Variants in HS6ST2 observed in about 807,000 individuals in gnomAD.
The protein encoded by HS6ST2 is heparan sulfate 6-O-sulfotransferase 2, also known as heparan-sulfate 6-O-sulfotransferase 2.
Under a neutral mutation model 33.0 loss-of-function variants are expected in HS6ST2, and 17 were observed. The ratio of observed to expected loss-of-function variants is 0.52; its 90% CI spans 0.35 to 0.77. The LOEUF is 0.77. Ranked by LOEUF, HS6ST2 falls within the 30% of genes least tolerant of loss-of-function variation. HS6ST2 has a pLI of 0.01. For missense variants in HS6ST2, 519 were observed against 551.7 expected (o/e 0.94, Z 0.59); for synonymous variants, 248 against 237.1 (o/e 1.05, Z -0.42).
intron 2 of HS6ST2, among the ~76,000 whole-genome samples, chrX:132,891,624 G>A (rs1280333827): frequency 2.7e-5 from 3 of 110,376 alleles, no homozygotes; most frequent in Non-Finnish European, 5.7e-5. Context: ...CTATGAGTGA[G>A]AACATGCGGT....
chrX:132,661,998 G>A (rs1347025392), intron 4 of HS6ST2, among the ~76,000 whole-genome samples: 1 of 111,178 alleles, frequency 9.0e-6, no homozygotes, highest in Admixed American at 9.7e-5. Flanking sequence ...AAAGAAAAAA[G>A]AATGAAGTTG....
chrX:132,822,038 C>T (rs965202475), intron 2 of HS6ST2, among the ~76,000 whole-genome samples: 2 of 111,524 alleles, frequency 1.8e-5, no homozygotes, highest in South Asian at 3.8e-4. Context: ...AGCAATGTTC[C>T]AGCACTTGAC....
At chrX:132,820,435 G>C (rs2065440978) in intron 2 of HS6ST2, among the ~76,000 whole-genome samples, 1 of 111,631 alleles carries the variant, frequency 9.0e-6, no homozygotes, top group South Asian at 3.8e-4. Context: ...CCAGAGGACT[G>C]ATAATGATCC....
At chrX:132,837,617 C>T (rs1227701131) in intron 2 of HS6ST2, among the ~76,000 whole-genome samples, 4 of 111,436 alleles carry the variant, frequency 3.6e-5, no homozygotes, top group Non-Finnish European at 7.5e-5. Flanking sequence ...TATTGTTTCC[C>T]TCCATTAGCA....
chrX:132,827,004 T>C (rs1386612120), intron 2 of HS6ST2, among the ~76,000 whole-genome samples: 2 of 111,431 alleles, frequency 1.8e-5, no homozygotes, highest in Non-Finnish European at 3.8e-5. Context: ...AAATAAAATA[T>C]GGCCAAAAAG....
At position 132,856,063 on chromosome X, in the gene HS6ST2, A is replaced by G. The variant is rs190662678; in HGVS notation, c.947+100745T>C. On this transcript the variant is annotated intron_variant, in intron 2 of 4. Coordinates refer to ENST00000370833, the MANE Select transcript of HS6ST2 (RefSeq NM_001394073.1). ...GTTTAATAATTAAACCTGAATTGTAACAGTATGCATTCCAAAAGGAACACA... is the reference window on the plus strand; with the variant it reads ...GTTTAATAATTAAACCTGAATTGTAGCAGTATGCATTCCAAAAGGAACACA... Among the ~76,000 whole-genome samples, 7 of 111,735 alleles carry G rather than the reference A, an allele frequency of 6.3e-5. No homozygotes were observed. In the East Asian group the frequency reaches 2.0e-3, roughly 31 times the overall value.
chrX:132,820,578 G>A (rs2065442786), intron 2 of HS6ST2, among the ~76,000 whole-genome samples: 1 of 112,126 alleles, frequency 8.9e-6, no homozygotes, highest in Non-Finnish European at 1.9e-5. Flanking sequence ...CACAAGACTA[G>A]CATGCAGGGA....
chrX:132,885,652 T>C (rs767959956), intron 2 of HS6ST2, among the ~76,000 whole-genome samples: 4 of 111,171 alleles, frequency 3.6e-5, no homozygotes, highest in Non-Finnish European at 7.5e-5. Flanking sequence ...CAGGGCAGAC[T>C]TGAAAATAGC....
At chrX:132,748,515 A>G (rs2064669265) in intron 2 of HS6ST2, among the ~76,000 whole-genome samples, 1 of 112,156 alleles carries the variant, frequency 8.9e-6, no homozygotes, top group Non-Finnish European at 1.9e-5. Context: ...GCCATCCACA[A>G]TGACACACAC....
intron 2 of HS6ST2, among the ~76,000 whole-genome samples, chrX:132,756,374 C>G: frequency 9.0e-6 from 1 of 111,376 alleles, no homozygotes; most frequent in East Asian, 2.8e-4. Context: ...CCTCTTCCAC[C>G]AACTCAACAA....
intron 2 of HS6ST2, among the ~76,000 whole-genome samples, chrX:132,804,515 G>A (rs2065262271): frequency 1.8e-5 from 2 of 112,287 alleles, no homozygotes; most frequent in Non-Finnish European, 3.8e-5. Flanking sequence ...ATAAGAAAAA[G>A]GGGGGTGGGC....
At chrX:132,874,940 A>G (rs996667036) in intron 2 of HS6ST2, among the ~76,000 whole-genome samples, 3 of 111,833 alleles carry the variant, frequency 2.7e-5, no homozygotes, top group African/African-American at 9.7e-5. Flanking sequence ...GAAAATGGGC[A>G]GCAGAGAGTC....
At chrX:132,660,039 CT>C (rs1419894129) in intron 4 of HS6ST2, among the ~76,000 whole-genome samples, 1 of 111,457 alleles carries the variant, frequency 9.0e-6, no homozygotes, top group Non-Finnish European at 1.9e-5. Context: ...TTACAAGTTT[CT>C]TGCCTCCACG....
At chrX:132,884,819 T>C (rs2066230330) in intron 2 of HS6ST2, among the ~76,000 whole-genome samples, 1 of 110,884 alleles carries the variant, frequency 9.0e-6, no homozygotes, top group South Asian at 3.9e-4. Flanking sequence ...AGAGATACTG[T>C]GGGAGCAAGA....
intron 2 of HS6ST2, among the ~76,000 whole-genome samples, chrX:132,932,232 G>A (rs2148487722): frequency 9.2e-6 from 1 of 108,369 alleles, no homozygotes; most frequent in African/African-American, 3.3e-5. Flanking sequence ...AATCTGATCA[G>A]ACTGTGGAGC....
At chrX:132,823,039 G>A (rs1033302139) in intron 2 of HS6ST2, among the ~76,000 whole-genome samples, 2 of 112,486 alleles carry the variant, frequency 1.8e-5, no homozygotes, top group African/African-American at 6.5e-5. Flanking sequence ...GACTAGTTTG[G>A]TTAATACTGG....
At chrX:132,765,901 A>G (rs1410072193) in intron 2 of HS6ST2, among the ~76,000 whole-genome samples, 1 of 112,109 alleles carries the variant, frequency 8.9e-6, no homozygotes, top group Non-Finnish European at 1.9e-5. Context: ...AAGTTTAGGA[A>G]ACCAAGGCCC....
intron 2 of HS6ST2, among the ~76,000 whole-genome samples, chrX:132,912,429 C>A (rs1423623397): frequency 8.9e-6 from 1 of 112,692 alleles, no homozygotes; most frequent in Non-Finnish European, 1.9e-5. Context: ...CAATTCAACT[C>A]AATACAATGC....
intron 2 of HS6ST2, among the ~76,000 whole-genome samples, chrX:132,864,151 T>C (rs1185464898): frequency 9.2e-6 from 1 of 108,775 alleles, no homozygotes; most frequent in Middle Eastern, 4.7e-3. Flanking sequence ...GGAAAAACCA[T>C]CACAAAACGG....
Sources: allele counts gnomAD v4.1 joint callset (sites outside exome capture counted in the v4.1 genomes callset), GRCh38; gene constraint gnomAD v4.1.1; transcripts MANE v1.5; gene names NCBI Gene and HGNC (gene_info 2026-07-23, HGNC 2026-07-21).